CDH12: variants seen among roughly 807,000 people sequenced by gnomAD.
CDH12 encodes cadherin 12, also known as cadherin-12.
Under a neutral mutation model 74.1 loss-of-function variants are expected in CDH12, and 41 were observed. The observed-to-expected ratio is 0.55, with a 90% CI of 0.43 to 0.72. The LOEUF is 0.72. Ranked by LOEUF, CDH12 falls within the 30% of genes least tolerant of loss-of-function variation. The pLI, the probability that CDH12 is intolerant of heterozygous loss-of-function variation, is 0.00. For missense variants in CDH12, 945 were observed against 977.2 expected (o/e 0.97, Z 0.44); for synonymous variants, 399 against 355.0 (o/e 1.12, Z -1.39).
intron 1 of CDH12, among the ~76,000 whole-genome samples, chr5:22,722,810 A>G (rs1743967787): frequency 6.6e-6 from 1 of 152,182 alleles, no homozygotes; most frequent in Non-Finnish European, 1.5e-5. Flanking sequence ...CTGCTCTCTA[A>G]AGGAAAACTC....
intron 2 of CDH12, among the ~76,000 whole-genome samples, chr5:22,449,024 A>C (rs2126558248): frequency 6.6e-6 from 1 of 152,086 alleles, no homozygotes; most frequent in African/African-American, 2.4e-5. Context: ...AAGAACCAAT[A>C]AAGAGGAAAG....
chr5:22,614,814 T>C (rs1481019332), intron 1 of CDH12, among the ~76,000 whole-genome samples: 3 of 152,138 alleles, frequency 2.0e-5, no homozygotes, highest in Non-Finnish European at 4.4e-5. Context: ...ATATGTACTA[T>C]GCATTAATTT....
Position 22,110,679 on chromosome 5 carries a change from T to C in CDH12, c.-186-31817A>G, listed in dbSNP as rs543660986. Among the ~76,000 whole-genome samples, 7 of 152,220 alleles carry C rather than the reference T, an allele frequency of 4.6e-5. No individual in the cohort carries two copies. In the South Asian group the frequency reaches 1.5e-3, roughly 32 times the overall value. ...AAAAGGCCAATCATAGGTGCTACAATAGTGATGTTATCTGCAGAAGCAATT... is the reference window on the plus strand; with the variant it reads ...AAAAGGCCAATCATAGGTGCTACAACAGTGATGTTATCTGCAGAAGCAATT... On this transcript the variant is annotated intron_variant, in intron 4 of 14. Transcript: ENST00000382254.
At chr5:22,152,261 C>CA (rs1266622199) in intron 4 of CDH12, 1 of 151,496 alleles carries the variant, frequency 6.6e-6, no homozygotes, top group Non-Finnish European at 1.5e-5. Flanking sequence ...ACAACGACAA[C>CA]AAAAAACAAA....
chr5:21,954,699 T>C (rs1375303708), intron 6 of CDH12, among the ~76,000 whole-genome samples: 1 of 152,102 alleles, frequency 6.6e-6, no homozygotes, highest in East Asian at 1.9e-4. Context: ...CTGTCATCTG[T>C]CTGCTTTTTT....
chr5:22,117,188 T>C (rs142557968), intron 4 of CDH12, among the ~76,000 whole-genome samples: 320 of 151,152 alleles, frequency 2.1e-3, no homozygotes, highest in Middle Eastern at 3.4e-3. Context: ...GTTTAGGTGC[T>C]ATGACTCTAT....
At chr5:22,568,613 A>G (rs1739400634) in intron 1 of CDH12, among the ~76,000 whole-genome samples, 1 of 152,216 alleles carries the variant, frequency 6.6e-6, no homozygotes, top group South Asian at 2.1e-4. Flanking sequence ...TAGATTTTAA[A>G]AAATGAATAA....
intron 5 of CDH12, among the ~76,000 whole-genome samples, chr5:21,975,762 A>G (rs1757047242): frequency 6.6e-6 from 1 of 152,166 alleles, no homozygotes; most frequent in South Asian, 2.1e-4. Flanking sequence ...AACCTCAGAT[A>G]TAGCAACAGG....
intron 2 of CDH12, among the ~76,000 whole-genome samples, chr5:22,467,557 C>T (rs997378142): frequency 6.6e-6 from 1 of 152,140 alleles, no homozygotes; most frequent in Admixed American, 6.5e-5. Context: ...CTCTTGCACT[C>T]GAATATGGGC....
chr5:22,430,373 A>G (rs773981806), intron 2 of CDH12, among the ~76,000 whole-genome samples: 29 of 151,896 alleles, frequency 1.9e-4, no homozygotes, highest in Non-Finnish European at 3.8e-4. Context: ...TGGTGGCTAC[A>G]TAGTACCCAT....
At chr5:22,108,575 T>C (rs1242987298) in intron 4 of CDH12, among the ~76,000 whole-genome samples, 1 of 152,218 alleles carries the variant, frequency 6.6e-6, no homozygotes, top group Non-Finnish European at 1.5e-5. Context: ...CATCTTGCCA[T>C]GAGGCTAGTG....
chr5:22,482,656 TAAGAG>T (rs1746429576), intron 2 of CDH12, among the ~76,000 whole-genome samples: 2 of 152,292 alleles, frequency 1.3e-5, no homozygotes, highest in Admixed American at 1.3e-4. Context: ...GTTGTCAGCA[TAAGAG>T]AATAGTGGAA....
intron 1 of CDH12, among the ~76,000 whole-genome samples, chr5:22,833,725 A>T (rs1171048273): frequency 6.6e-6 from 1 of 152,170 alleles, no homozygotes; most frequent in Non-Finnish European, 1.5e-5. Flanking sequence ...CAAGTTTTTT[A>T]AAATAATAAT....
At chr5:22,416,371 G>A (rs371416847) in intron 2 of CDH12, among the ~76,000 whole-genome samples, 32 of 152,140 alleles carry the variant, frequency 2.1e-4, no homozygotes, top group Middle Eastern at 3.4e-3. Context: ...CACCGCGCCC[G>A]GCCTGTAGGT....
At chr5:22,039,295 C>A in intron 5 of CDH12, among the ~76,000 whole-genome samples, 1 of 151,986 alleles carries the variant, frequency 6.6e-6, no homozygotes, top group Non-Finnish European at 1.5e-5. Context: ...GCCCTGGTAC[C>A]CAGGGGCAAA....
intron 1 of CDH12, among the ~76,000 whole-genome samples, chr5:22,722,597 G>T (rs1369147732): frequency 6.6e-6 from 1 of 152,152 alleles, no homozygotes; most frequent in African/African-American, 2.4e-5. Flanking sequence ...AAGTTCAAGT[G>T]ATATAGATGA....
chr5:22,167,432 A>G (rs1748748522), intron 4 of CDH12, among the ~76,000 whole-genome samples: 1 of 152,182 alleles, frequency 6.6e-6, no homozygotes, highest in Non-Finnish European at 1.5e-5. Context: ...TGGTAATGGT[A>G]TTGGTGTCCT....
chr5:22,350,247 C>G (rs1356706664), intron 3 of CDH12, among the ~76,000 whole-genome samples: 1 of 152,102 alleles, frequency 6.6e-6, no homozygotes, highest in Admixed American at 6.5e-5. Context: ...AAGACTTAAA[C>G]TTATTATGCA....
chr5:22,025,771 A>T (rs568312524), intron 5 of CDH12, among the ~76,000 whole-genome samples: 1 of 152,142 alleles, frequency 6.6e-6, no homozygotes, highest in Non-Finnish European at 1.5e-5. Context: ...TAATATTCTA[A>T]ATTCTTTATT....
Sources: gnomAD v4.1 joint callset for allele counts (sites outside exome capture counted in the v4.1 genomes callset) on GRCh38, gnomAD v4.1.1 for gene constraint, MANE v1.5 for transcripts, NCBI Gene and HGNC (gene_info 2026-07-23, HGNC 2026-07-21) for gene names.